The following EXO1 variants were observed in gnomAD, a reference collection of about 807,000 sequenced individuals.
EXO1 encodes the protein exonuclease 1.
Under a neutral mutation model 84.5 loss-of-function variants are expected in EXO1, and 69 were observed. The observed-to-expected ratio is 0.82, with a 90% CI of 0.67 to 1.00. The LOEUF is 1.00. Among genes scored for constraint, EXO1 ranks in the 50% least tolerant of loss-of-function variants. The pLI, the probability that EXO1 is intolerant of heterozygous loss-of-function variation, is 0.00. For missense variants in EXO1, 1,045 were observed against 1,000.7 expected (o/e 1.04, Z -0.60); for synonymous variants, 373 against 366.1 (o/e 1.02, Z -0.21).
Position 241,881,778 on chromosome 1 carries a change from C to T in EXO1, c.2110-138C>T, listed in dbSNP as rs532776354. 49 of 529,390 alleles carry T rather than the reference C, an allele frequency of 9.3e-5. No individual in the cohort carries two copies. In the South Asian group the frequency reaches 1.3e-3, roughly 14 times the overall value. 32.8% of individuals were successfully genotyped at this position (529,390 alleles called of 1,614,324 possible). ...ATGAAATTGGCAAATATCATCCTTT[C>T]CATATTATTCATTTTCTTTTATTAA... On this transcript the variant is annotated intron_variant, in intron 13 of 15. Transcript: ENST00000366548.
At chr1:241,852,138 G>C (rs1385281691) in intron 4 of EXO1, among the ~76,000 whole-genome samples, 154 bp from the exon 5 acceptor site, 1 of 152,198 alleles carries the variant, frequency 6.6e-6, no homozygotes, top group Non-Finnish European at 1.5e-5. Context: ...TCCAAGTCTA[G>C]TAAGTTAGAG....
chr1:241,877,689 A>G (rs953080314), intron 12 of EXO1, among the ~76,000 whole-genome samples: 40 of 152,186 alleles, frequency 2.6e-4, no homozygotes, highest in African/African-American at 9.7e-4. Context: ...TTGCCTCCTC[A>G]ATAATGATAC....
rs149349773 is a variant in EXO1 at position 241,866,905 on chromosome 1, A to G, written c.1117A>G (p.Arg373Gly). 9.5e-5 allele frequency: 154 copies of G among 1,614,046 alleles called. 2 individuals are homozygous for G. The highest frequency in any genetic ancestry group is 1.6e-4 in the Middle Eastern group (1 of 6,084). The change falls in exon 11 of 16, where the codon AGG (arginine) becomes GGG (glycine). Residue 373 changes from arginine (R) to glycine (G), a missense_variant. Physicochemically the swap from Arg to Gly is moderately radical, Grantham distance 125. Transcript: ENST00000366548. ...KSANVSSIWH[R>G]NYSPRPESGT... ...AGCTAATGTTAGCAGCATTTGGCATAGGAATTACTCTCCCAGACCAGAGTC... is the reference window on the plus strand; with the variant it reads ...AGCTAATGTTAGCAGCATTTGGCATGGGAATTACTCTCCCAGACCAGAGTC...
At chr1:241,881,818 CTTAT>C (rs1486486061) in intron 13 of EXO1, 94 bp from the exon 14 acceptor site, 1 of 647,298 alleles carries the variant, frequency 1.5e-6, no homozygotes, top group African/African-American at 1.8e-5. Flanking sequence ...ATCCCATGTT[CTTAT>C]TTATCTTCCA....
rs901068445 is a variant in EXO1, at chr1:241,876,513, A to AGG, written c.1515-2235_1515-2234dup. On this transcript the variant is annotated intron_variant, in intron 12 of 15. Transcript: ENST00000366548. ...AGGAGAATAGCTTGAACCCAGGAGG[A>AGG]GGAGGTTGCAGAGAGTTGAGATCGC... Among the ~76,000 whole-genome samples, 38 of 151,840 alleles carry AGG rather than the reference A, an allele frequency of 2.5e-4. 1 individual carries two copies. Among genetic ancestry groups the AGG allele is most frequent in the African/African-American group, 8.7e-4 (36 of 41,400 alleles).
intron 5 of EXO1, among the ~76,000 whole-genome samples, chr1:241,852,781 C>T (rs1385848459): frequency 1.3e-5 from 2 of 152,098 alleles, no homozygotes; most frequent in Non-Finnish European, 2.9e-5. Flanking sequence ...CTCAGCCTCC[C>T]GAGTAGCTGG....
At position 241,879,268 on chromosome 1, in the gene EXO1, A is replaced by C. The variant is rs772792384; in HGVS notation, c.2034A>C (p.Glu678Asp). The C allele has an allele frequency of 2.7e-5, 43 of 1,601,886 alleles. No homozygotes were observed. The highest frequency in any genetic ancestry group is 2.7e-5 in the Non-Finnish European group (32 of 1,176,240). The change falls in exon 13 of 16, where the codon GAA (glutamate) becomes GAC (aspartate). Residue 678 changes from glutamate (E) to aspartate (D), a missense_variant. By Grantham distance (45) the Glu-to-Asp change is conservative. Transcript: ENST00000366548. Reference protein sequence around the residue: ...REEACSSQSQESGEFSLQSSN... With the variant: ...REEACSSQSQDSGEFSLQSSN... ...AGGCATGTTCTTCACAGTCCCAGGA[A>C]AGTGGAGAATTCTCACTGCAGAGTT...
intron 14 of EXO1, among the ~76,000 whole-genome samples, chr1:241,882,597 G>A (rs941008838): frequency 1.3e-5 from 2 of 152,076 alleles, no homozygotes; most frequent in Admixed American, 1.3e-4. Context: ...TATATTAAAT[G>A]TTCTTGTTCA....
chr1:241,871,922 T>A lies in EXO1; in HGVS notation c.1268-110T>A, dbSNP rs555865594. 424 of 734,660 alleles carry A rather than the reference T, an allele frequency of 5.8e-4. No individual in the cohort carries two copies. The African/African-American group carries it at 7.1e-3, about 12-fold the overall frequency. The allele number at this position is 734,660 out of a possible 1,614,324, so 45.5% of individuals were successfully genotyped here. A position where few individuals can be genotyped will look rare whatever the true frequency, so the allele number is the denominator to read the frequency against. On this transcript the variant is annotated intron_variant, in intron 11 of 15. Transcript: ENST00000366548. ...TTTTCTGAGGCATAGTTTTTTTTTT[T>A]TTTTTTTAAAGTCCTTATTTTTAGG...
At chr1:241,873,211 C>T (rs1467770722) in intron 12 of EXO1, among the ~76,000 whole-genome samples, 3 of 152,092 alleles carry the variant, frequency 2.0e-5, no homozygotes, top group Non-Finnish European at 2.9e-5. Flanking sequence ...TCTCCTAATG[C>T]TATCCCTCCT....
rs181271455 is a variant in EXO1, at chr1:241,861,620, C to A, written c.1041+118C>A. 102 of 714,492 alleles carry A rather than the reference C, an allele frequency of 1.4e-4. No homozygotes were observed. In the East Asian group the frequency reaches 2.6e-3, roughly 18 times the overall value. The allele number at this position is 714,492 out of a possible 1,614,324, so 44.3% of individuals were successfully genotyped here. The stretch of plus-strand genomic sequence containing the variant: ...AGCGTTTCTATATCCAGGCTCTGTG[C>A]AGAATGTACATTAAAAACAACTTGA... On this transcript the variant is annotated intron_variant, in intron 10 of 15. Coordinates refer to ENST00000366548, the MANE Select transcript of EXO1 (RefSeq NM_130398.4).
At chr1:241,880,276 G>A (rs1205082170) in intron 13 of EXO1, among the ~76,000 whole-genome samples, 2 of 152,180 alleles carry the variant, frequency 1.3e-5, no homozygotes, top group African/African-American at 2.4e-5. Context: ...TGGGTACCAC[G>A]GCAGTGGCTA....
intron 6 of EXO1, among the ~76,000 whole-genome samples, chr1:241,855,320 T>C (rs989122913): frequency 6.6e-6 from 1 of 152,136 alleles, no homozygotes; most frequent in Non-Finnish European, 1.5e-5. Context: ...ACAAAGGTTC[T>C]CCAAGGCCCC....
Position 241,889,543 on chromosome 1 carries a change from A to G in EXO1, c.2484A>G (p.Glu828=). The G allele has an allele frequency of 6.2e-7, 1 of 1,613,974 alleles. No homozygotes were observed. The highest frequency in any genetic ancestry group is 8.5e-7 in the Non-Finnish European group (1 of 1,179,842). Residue 828 remains glutamate, a synonymous_variant, in exon 16 of 16, where the codon GAA becomes GAG. Transcript: ENST00000366548. ...ACATCCAACTAACTCCAGAAGCGGAAGAGGATATATTTAACAAACCTGAAT... is the reference window on the plus strand; with the variant it reads ...ACATCCAACTAACTCCAGAAGCGGAGGAGGATATATTTAACAAACCTGAAT... ...RDNIQLTPEA[E]EDIFNKPECG...
In EXO1 at chr1:241,850,084, A is replaced by G. The variant is rs1660570109; in HGVS notation, c.-17-325A>G. ...ATCACGAGTTCAGGAGATCGAGACC[A>G]TCCTGGCTAACATGGTGAAACCCCG... is the stretch of plus-strand genomic sequence containing the variant. On this transcript the variant is annotated intron_variant, in intron 3 of 15. Coordinates refer to ENST00000366548, the MANE Select transcript of EXO1 (RefSeq NM_130398.4). Among the ~76,000 whole-genome samples, 3 of 152,040 alleles carry G rather than the reference A, an allele frequency of 2.0e-5. No homozygotes were observed. The South Asian group carries it at 6.2e-4, about 32-fold the overall frequency.
At chr1:241,857,598 A>T in intron 7 of EXO1, 116 bp downstream of exon 7, 1 of 351,238 alleles carries the variant, frequency 2.8e-6, no homozygotes, top group Non-Finnish European at 4.7e-6. Flanking sequence ...TATAAAATTT[A>T]TAATATTTAT....
At chr1:241,876,269 C>T (rs1043029410) in intron 12 of EXO1, among the ~76,000 whole-genome samples, 2 of 152,164 alleles carry the variant, frequency 1.3e-5, no homozygotes, top group African/African-American at 4.8e-5. Context: ...CATTTTATGG[C>T]TTACATTATA....
At chr1:241,860,764 GA>G (rs1299239212) in intron 9 of EXO1, 60 bp downstream of exon 9, 1 of 1,413,256 alleles carries the variant, frequency 7.1e-7, no homozygotes, top group Non-Finnish European at 1.0e-6. Flanking sequence ...TTTTTATGGT[GA>G]TTTTTTTGTG....
intron 12 of EXO1, among the ~76,000 whole-genome samples, chr1:241,877,173 C>T (rs891771545): frequency 2.6e-5 from 4 of 152,130 alleles, no homozygotes; most frequent in African/African-American, 4.8e-5. Flanking sequence ...ATCACAGAAA[C>T]GTGCCAGTTT....
Sources: allele counts gnomAD v4.1 joint callset (sites outside exome capture counted in the v4.1 genomes callset), GRCh38; gene constraint gnomAD v4.1.1; transcripts MANE v1.5; gene names NCBI Gene and HGNC (gene_info 2026-07-23, HGNC 2026-07-21).